Variants in UBE2D3 observed in about 807,000 individuals in gnomAD.
UBE2D3 encodes the protein ubiquitin-conjugating enzyme E2 D3.
In UBE2D3, 2 loss-of-function variants were observed where a neutral mutation model predicts 22.8. The observed-to-expected ratio is 0.09, with a 90% CI of 0.04 to 0.28. UBE2D3 has a LOEUF of 0.28. Among genes scored for constraint, UBE2D3 ranks in the 10% least tolerant of loss-of-function variants. The probability of loss-of-function intolerance (pLI) is 1.00; values close to 1 mark genes in which losing one functional copy is unlikely to be tolerated. For missense variants in UBE2D3, 27 were observed against 182.5 expected (o/e 0.15, Z 4.91); for synonymous variants, 56 against 60.4 (o/e 0.93, Z 0.34).
intron 1 of UBE2D3, among the ~76,000 whole-genome samples, chr4:102,861,238 C>T (rs1451215543): frequency 2.0e-5 from 3 of 151,842 alleles, no homozygotes; most frequent in Admixed American, 6.6e-5. Context: ...TTTTCTTACC[C>T]TCTTCAATGT....
rs758789906 is a variant in UBE2D3 at position 102,826,452 on chromosome 4, C to T, written c.24+33G>A. On this transcript the variant is annotated intron_variant, in intron 2 of 7. Coordinates refer to ENST00000453744, the MANE Select transcript of UBE2D3 (RefSeq NM_181891.3). Reference sequence around the variant, plus strand: ...TCTTGGCCCGAGCCTTCCTTTTCTCCTACCACCCCATGCCCTTGTCCCCGC... The same window carrying T: ...TCTTGGCCCGAGCCTTCCTTTTCTCTTACCACCCCATGCCCTTGTCCCCGC... 4 of 1,613,550 alleles carry T rather than the reference C, an allele frequency of 2.5e-6. No homozygotes were observed. The Admixed American group carries it at 5.0e-5, about 20-fold the overall frequency.
At chr4:102,863,975 ACC>A in intron 1 of UBE2D3, among the ~76,000 whole-genome samples, 1 of 152,108 alleles carries the variant, frequency 6.6e-6, no homozygotes, top group Non-Finnish European at 1.5e-5. Context: ...ATCTAGACCA[ACC>A]ACTGTGAAAA....
chr4:102,826,475 C>G lies in UBE2D3; in HGVS notation c.24+10G>C, dbSNP rs1401528875. On this transcript the variant is annotated intron_variant, in intron 2 of 7. Coordinates refer to ENST00000453744, the MANE Select transcript of UBE2D3 (RefSeq NM_181891.3). The stretch of plus-strand genomic sequence containing the variant: ...TCCTACCACCCCATGCCCTTGTCCC[C>G]GCGGGTTACCTTATTAATCCGTTTC... 17 of 1,613,908 alleles carry G rather than the reference C, an allele frequency of 1.1e-5. No homozygotes were observed. Among genetic ancestry groups the G allele is most frequent in the Non-Finnish European group, 1.4e-5 (17 of 1,179,960 alleles).
intron 1 of UBE2D3, among the ~76,000 whole-genome samples, chr4:102,860,637 T>C (rs779909856): frequency 3.9e-4 from 59 of 152,066 alleles, no homozygotes; most frequent in Non-Finnish European, 4.3e-4. Context: ...TAGGATTGTG[T>C]GCTTTCTTTC....
intron 1 of UBE2D3, among the ~76,000 whole-genome samples, chr4:102,839,562 GC>G (rs1199020454): frequency 5.3e-5 from 8 of 152,182 alleles, no homozygotes; most frequent in African/African-American, 1.7e-4. Flanking sequence ...GTGAGCTACT[GC>G]ACCCGGCCTC....
chr4:102,825,717 G>A, intron 2 of UBE2D3: 1 of 569,230 alleles, frequency 1.8e-6, no homozygotes, highest in Non-Finnish European at 3.0e-6. Context: ...GGCAAAAATA[G>A]GTACATTAGC....
intron 1 of UBE2D3, among the ~76,000 whole-genome samples, chr4:102,861,530 G>A (rs907863760): frequency 1.8e-4 from 27 of 151,838 alleles, no homozygotes; most frequent in African/African-American, 6.0e-4. Flanking sequence ...CTACAATATC[G>A]CAAAGCATTA....
intron 1 of UBE2D3, chr4:102,844,118 G>A (rs1731914861): frequency 6.6e-6 from 1 of 152,144 alleles, no homozygotes; most frequent in Non-Finnish European, 1.5e-5. Context: ...TAGCCATCTG[G>A]TTTTTATATT....
At chr4:102,862,617 T>G (rs1293322606) in intron 1 of UBE2D3, among the ~76,000 whole-genome samples, 1 of 152,208 alleles carries the variant, frequency 6.6e-6, no homozygotes, top group Admixed American at 6.5e-5. Flanking sequence ...AGATTGTGTA[T>G]TTTTTAAACC....
At position 102,868,490 on chromosome 4, in the gene UBE2D3, A is replaced by C. The variant is rs550512758; in HGVS notation, c.-129+225T>G. ...GTTTTTGGAGCTAGGGCTGCAGTTA[A>C]GTTGCCAAGGGGCAGAGATGTAAAC... On this transcript the variant is annotated intron_variant, in intron 1 of 7. Coordinates refer to the UBE2D3 transcript ENST00000338145. Among the ~76,000 whole-genome samples, 7 of 152,348 alleles carry C rather than the reference A, an allele frequency of 4.6e-5. No homozygotes were observed. In the South Asian group the frequency reaches 1.5e-3, roughly 32 times the overall value.
At chr4:102,806,259 T>C (rs1442194461) in intron 4 of UBE2D3, among the ~76,000 whole-genome samples, 1 of 152,186 alleles carries the variant, frequency 6.6e-6, no homozygotes, top group Non-Finnish European at 1.5e-5. Flanking sequence ...GGATAACATA[T>C]CTTTTTCTCT....
chr4:102,803,921 A>G (rs940467412), intron 4 of UBE2D3, among the ~76,000 whole-genome samples: 5 of 152,064 alleles, frequency 3.3e-5, no homozygotes, highest in Middle Eastern at 3.2e-3. Flanking sequence ...CATATGCACC[A>G]CCACACCCAG....
At chr4:102,841,642 GA>G (rs1731762105) in intron 1 of UBE2D3, among the ~76,000 whole-genome samples, 3 of 152,148 alleles carry the variant, frequency 2.0e-5, no homozygotes, top group Non-Finnish European at 4.4e-5. Context: ...GAGTTAAGCA[GA>G]AGTGATTAAC....
chr4:102,801,365 C>T, intron 6 of UBE2D3, 89 bp downstream of exon 6: 1 of 1,125,928 alleles, frequency 8.9e-7, no homozygotes, highest in Non-Finnish European at 1.3e-6. Context: ...TACCAAAAAG[C>T]TGCCATAATA....
At chr4:102,841,091 CA>C (rs1731732666) in intron 1 of UBE2D3, among the ~76,000 whole-genome samples, 1 of 151,660 alleles carries the variant, frequency 6.6e-6, no homozygotes, top group Non-Finnish European at 1.5e-5. Context: ...ATCTTTAAAC[CA>C]GTCAATGCCC....
At chr4:102,804,038 T>C (rs1560846766) in intron 4 of UBE2D3, among the ~76,000 whole-genome samples, 1 of 151,996 alleles carries the variant, frequency 6.6e-6, no homozygotes, top group Non-Finnish European at 1.5e-5. Flanking sequence ...CAAAATGTGC[T>C]GATTATAGGT....
chr4:102,825,693 A>G lies in UBE2D3; in HGVS notation c.24+792T>C, dbSNP rs1014844135. ...TTTCAAGTAACGAAACAAGGGTGTT[A>G]TTAAATAGAATGAGGCAAAAATAGG... On this transcript the variant is annotated intron_variant, in intron 2 of 7. Transcript: ENST00000453744. The G allele has an allele frequency of 6.6e-6, 5 of 760,806 alleles. No individual in the cohort carries two copies. In the African/African-American group the frequency reaches 9.0e-5, roughly 14 times the overall value. The allele number at this position is 760,806 out of a possible 1,614,324, so 47.1% of individuals were successfully genotyped here.
chr4:102,825,610 G>A (rs866760069), intron 2 of UBE2D3: 2 of 1,238,452 alleles, frequency 1.6e-6, no homozygotes, highest in African/African-American at 1.6e-5. Flanking sequence ...CACTCCCAGA[G>A]CTCCGAAAAA....
intron 1 of UBE2D3, 163 bp from the exon 2 acceptor site, chr4:102,826,799 G>T: frequency 8.0e-7 from 1 of 1,253,188 alleles, no homozygotes; most frequent in Non-Finnish European, 1.0e-6. Context: ...GGGCGAGGGT[G>T]ACGGGAAGAG....
Sources: gnomAD v4.1 joint callset for allele counts (sites outside exome capture counted in the v4.1 genomes callset) on GRCh38, gnomAD v4.1.1 for gene constraint, MANE v1.5 for transcripts, NCBI Gene and HGNC (gene_info 2026-07-23, HGNC 2026-07-21) for gene names.